The following MTDH variants were observed in gnomAD, a reference collection of about 807,000 sequenced individuals.
MTDH encodes the protein metadherin.
A neutral mutation model predicts 72.7 loss-of-function variants in MTDH; 34 were observed. That is an observed-to-expected ratio of 0.47 (90% CI 0.36 to 0.62). The LOEUF (loss-of-function observed/expected upper bound fraction) is 0.62, where lower values mean the gene tolerates loss of function less well. Among genes scored for constraint, MTDH ranks in the 20% least tolerant of loss-of-function variants. The pLI, the probability that MTDH is intolerant of heterozygous loss-of-function variation, is 0.00. For missense variants in MTDH, 677 were observed against 699.4 expected, an observed-to-expected ratio of 0.97 and a Z score of 0.36; for synonymous variants, 266 against 268.9, an observed-to-expected ratio of 0.99 and a Z score of 0.10.
At chr8:97,648,040 G>A (rs1243026772) in intron 1 of MTDH, among the ~76,000 whole-genome samples, 3 of 151,608 alleles carry the variant, frequency 2.0e-5, no homozygotes, top group South Asian at 2.1e-4. Context: ...CAAATTTTGC[G>A]ACTCCTGTTT....
intron 2 of MTDH, among the ~76,000 whole-genome samples, chr8:97,665,222 G>A (rs964672203): frequency 6.6e-6 from 1 of 152,078 alleles, no homozygotes; most frequent in Admixed American, 6.6e-5. Context: ...TGATTACCTT[G>A]CCATATCACT....
rs115333014 is a variant in MTDH, at chr8:97,730,159, G to C, written c.*5489G>C. On this transcript the variant is annotated 3_prime_UTR_variant, in exon 12 of 12. Transcript: ENST00000336273. ...TAGTGGCATTCTTATTTGTATATAT[G>C]TGCTTTCCTTTTTTATTTGTATCAA... Among the ~76,000 whole-genome samples the C allele has an allele frequency of 2.4e-3, 359 of 152,238 alleles. No individual in the cohort carries two copies. The highest frequency in any genetic ancestry group is 8.4e-3 in the African/African-American group (348 of 41,556).
intron 7 of MTDH, among the ~76,000 whole-genome samples, chr8:97,701,462 AT>A (rs574941139): frequency 1.3e-5 from 2 of 151,924 alleles, no homozygotes; most frequent in African/African-American, 4.8e-5. Flanking sequence ...CAGTTCATTC[AT>A]TTTTTTTCCT....
chr8:97,689,623 A>G (rs569909760), intron 5 of MTDH, among the ~76,000 whole-genome samples: 5 of 152,124 alleles, frequency 3.3e-5, no homozygotes, highest in Non-Finnish European at 7.4e-5. Context: ...TGAATTAAGT[A>G]GAGTGTTATG....
intron 10 of MTDH, 31 bp downstream of exon 10, chr8:97,719,220 C>T (rs371018618): frequency 1.4e-4 from 224 of 1,606,056 alleles, no homozygotes; most frequent in Middle Eastern, 3.3e-4. Flanking sequence ...AGTTGCCGGG[C>T]GCAGTGGCTT....
intron 6 of MTDH, among the ~76,000 whole-genome samples, chr8:97,693,744 C>G (rs1232649704): frequency 6.6e-6 from 1 of 152,074 alleles, no homozygotes. Context: ...GAGACAGGGT[C>G]GTACTCTGTT....
intron 7 of MTDH, among the ~76,000 whole-genome samples, chr8:97,700,312 T>C (rs985849267): frequency 6.6e-6 from 1 of 152,122 alleles, no homozygotes; most frequent in African/African-American, 2.4e-5. Context: ...TTCGGAAAGC[T>C]CATGCCGTCT....
At chr8:97,678,233 G>C (rs563454055) in intron 2 of MTDH, among the ~76,000 whole-genome samples, 55 of 152,070 alleles carry the variant, frequency 3.6e-4, no homozygotes, top group Non-Finnish European at 2.8e-4. Context: ...TAACTTTTTT[G>C]AATGTTTGTG....
At chr8:97,657,723 G>A (rs184482087) in intron 1 of MTDH, among the ~76,000 whole-genome samples, 124 of 152,090 alleles carry the variant, frequency 8.2e-4, no homozygotes, top group Middle Eastern at 6.8e-3. Flanking sequence ...ACTTGGGCTG[G>A]TCTCGAACTT....
intron 9 of MTDH, among the ~76,000 whole-genome samples, chr8:97,717,409 T>C (rs1382024355): frequency 6.6e-6 from 1 of 152,232 alleles, no homozygotes; most frequent in African/African-American, 2.4e-5. Flanking sequence ...TCATAAAAGT[T>C]TGAAAGTCTA....
chr8:97,653,094 GGCGACAGA>G (rs1307806661), intron 1 of MTDH, among the ~76,000 whole-genome samples: 3 of 151,468 alleles, frequency 2.0e-5, no homozygotes, highest in African/African-American at 7.3e-5. Context: ...ACTCTAGCCT[GGCGACAGA>G]GCGAGACTCT....
At chr8:97,706,845 A>C in intron 8 of MTDH, 95 bp downstream of exon 8, 1 of 1,397,886 alleles carries the variant, frequency 7.2e-7, no homozygotes, top group Non-Finnish European at 9.5e-7. Flanking sequence ...TTTGGGAGGT[A>C]CTGTGGGAGG....
intron 7 of MTDH, among the ~76,000 whole-genome samples, chr8:97,704,533 C>G (rs954322568): frequency 6.6e-6 from 1 of 151,910 alleles, no homozygotes; most frequent in African/African-American, 2.4e-5. Context: ...ACTTGAGCCC[C>G]AGGAGGTTAA....
Position 97,687,557 on chromosome 8 carries a change from G to A in MTDH, c.697G>A (p.Glu233Lys), listed in dbSNP as rs772452623. 2.0e-5 allele frequency: 32 copies of A among 1,611,730 alleles called. No individual in the cohort carries two copies. Among genetic ancestry groups the A allele is most frequent in the Admixed American group, 1.2e-4 (7 of 59,646 alleles). ...AGAAAATACCATCACAGTTACCACC[G>A]AGCAACTTACAACCGCATCATTTCC... ...GIENTITVTTEQLTTASFPVG... is the reference protein window; with the variant it reads ...GIENTITVTTKQLTTASFPVG... Residue 233 changes from glutamate (E) to lysine (K), a missense_variant, in exon 4 of 12, where the codon GAG (glutamate) becomes AAG (lysine). Around this residue, in one of 3 missense-constraint regions of MTDH, gnomAD observed 467 missense variants for 469.1 expected, o/e 1.00. Coordinates refer to ENST00000336273, the MANE Select transcript of MTDH (RefSeq NM_178812.4).
intron 2 of MTDH, among the ~76,000 whole-genome samples, chr8:97,684,920 TAC>T (rs1371111915): frequency 6.6e-6 from 1 of 152,076 alleles, no homozygotes; most frequent in Non-Finnish European, 1.5e-5. Flanking sequence ...ATAAAAATTA[TAC>T]AGATGTGGTG....
intron 1 of MTDH, among the ~76,000 whole-genome samples, chr8:97,653,884 G>C (rs1344132567): frequency 6.6e-6 from 1 of 152,152 alleles, no homozygotes; most frequent in African/African-American, 2.4e-5. Context: ...TTTCTTCTAA[G>C]AAAGAATTAT....
At chr8:97,723,691 C>T (rs888234141) in intron 11 of MTDH, among the ~76,000 whole-genome samples, 1 of 150,994 alleles carries the variant, frequency 6.6e-6, no homozygotes, top group Non-Finnish European at 1.5e-5. Context: ...TGCAGTGAGC[C>T]GAGATCATGC....
In MTDH at chr8:97,729,954, T is replaced by C. The variant is rs1358596915; in HGVS notation, c.*5284T>C. On this transcript the variant is annotated 3_prime_UTR_variant, in exon 12 of 12. Coordinates refer to ENST00000336273, the MANE Select transcript of MTDH (RefSeq NM_178812.4). Reference sequence around the variant, plus strand: ...CCCTGGTATATAATATTTTAAAACATGAAAAAGGCATTACTATTGTTCTGG... The same window carrying C: ...CCCTGGTATATAATATTTTAAAACACGAAAAAGGCATTACTATTGTTCTGG... 6.6e-6 allele frequency among the ~76,000 whole-genome samples: 1 copy of C among 152,186 alleles called. No homozygotes were observed. The highest frequency in any genetic ancestry group is 1.5e-5 in the Non-Finnish European group (1 of 68,032).
intron 2 of MTDH, among the ~76,000 whole-genome samples, chr8:97,671,473 TATC>T (rs972843345): frequency 2.6e-5 from 4 of 152,092 alleles, no homozygotes; most frequent in African/African-American, 9.7e-5. Context: ...AATATATAGG[TATC>T]ATTATATAAC....
Sources: gnomAD v4.1 joint callset for allele counts (sites outside exome capture counted in the v4.1 genomes callset) on GRCh38, gnomAD v4.1.1 for gene constraint, gnomAD v4.1.1 regional missense constraint, MANE v1.5 for transcripts, NCBI Gene and HGNC (gene_info 2026-07-23, HGNC 2026-07-21) for gene names.